TAFA2: variants seen among roughly 807,000 people sequenced by gnomAD.
TAFA2 encodes the protein chemokine-like protein TAFA-2.
Under a neutral mutation model 18.8 loss-of-function variants are expected in TAFA2, and 7 were observed. The ratio of observed to expected loss-of-function variants is 0.37; its 90% CI spans 0.21 to 0.70. The LOEUF (loss-of-function observed/expected upper bound fraction) is 0.70, where lower values mean the gene tolerates loss of function less well. TAFA2 is among the 30% of genes least tolerant of loss of function. The pLI is 0.53. For missense variants in TAFA2, 122 were observed against 158.1 expected (o/e 0.77, Z 1.23); for synonymous variants, 60 against 54.2 (o/e 1.11, Z -0.47).
At position 61,708,735 on chromosome 12, in the gene TAFA2, C is replaced by T. The variant is rs914766807; in HGVS notation, c.*1671G>A. On this transcript the variant is annotated 3_prime_UTR_variant, in exon 5 of 5. Coordinates refer to ENST00000416284, the MANE Select transcript of TAFA2 (RefSeq NM_178539.5). ...ATTTTAGTTCAATGTGAGATACATA[C>T]TTTTCAGATTTTATTTTTAACCAAT... The T allele has an allele frequency of 1.3e-5, 2 of 152,096 alleles. No homozygotes were observed. Among genetic ancestry groups the T allele is most frequent in the Non-Finnish European group, 2.9e-5 (2 of 67,968 alleles). 9.4% of individuals were successfully genotyped at this position (152,096 alleles called of 1,614,324 possible).
At chr12:62,141,808 A>G (rs552405690) in intron 1 of TAFA2, among the ~76,000 whole-genome samples, 1 of 152,248 alleles carries the variant, frequency 6.6e-6, no homozygotes, top group East Asian at 1.9e-4. Flanking sequence ...CCTAAGGAAG[A>G]CTCCTAGGCA....
chr12:61,823,328 G>A lies in TAFA2; in HGVS notation c.106+43992C>T, dbSNP rs539032897. Among the ~76,000 whole-genome samples, 14 of 151,970 alleles carry A rather than the reference G, an allele frequency of 9.2e-5. No homozygotes were observed. The East Asian group carries it at 1.4e-3, about 15-fold the overall frequency. ...GCTGGAATTACAGCCACGAGCCACC[G>A]CACCCAGCCCTAACGTTTACTCTGT... On this transcript the variant is annotated intron_variant, in intron 2 of 4. Transcript: ENST00000416284.
intron 1 of TAFA2, among the ~76,000 whole-genome samples, chr12:62,172,552 C>T (rs1217506696): frequency 6.6e-6 from 1 of 152,190 alleles, no homozygotes; most frequent in Non-Finnish European, 1.5e-5. Context: ...ACCACAGGCA[C>T]TAATCTTGAT....
At chr12:61,717,099 G>A (rs555667673) in intron 4 of TAFA2, among the ~76,000 whole-genome samples, 8 of 152,070 alleles carry the variant, frequency 5.3e-5, no homozygotes, top group Non-Finnish European at 1.2e-4. Context: ...ATAAGCTCTT[G>A]CTTCACTTTT....
chr12:61,970,008 A>G lies in TAFA2; in HGVS notation c.-1-102582T>C, dbSNP rs528421917. ...TGGACTATTAAGGAGCTTGACAGTC[A>G]TAATAAGAGGCCTAGACTCAAAGCA... On this transcript the variant is annotated intron_variant, in intron 1 of 4. Coordinates refer to ENST00000416284, the MANE Select transcript of TAFA2 (RefSeq NM_178539.5). Among the ~76,000 whole-genome samples, 5 of 151,828 alleles carry G rather than the reference A, an allele frequency of 3.3e-5. No homozygotes were observed. In the East Asian group the frequency reaches 9.7e-4, roughly 30 times the overall value.
intron 2 of TAFA2, among the ~76,000 whole-genome samples, chr12:61,819,313 G>T (rs2121041295): frequency 6.6e-6 from 1 of 152,274 alleles, no homozygotes; most frequent in African/African-American, 2.4e-5. Context: ...TTACTTCAAA[G>T]AATGTATTTT....
chr12:62,208,623 A>G (rs1565779709), intron 1 of TAFA2, among the ~76,000 whole-genome samples: 1 of 151,674 alleles, frequency 6.6e-6, no homozygotes, highest in Non-Finnish European at 1.5e-5. Context: ...TTCCAAATTT[A>G]TCAGGAAATT....
chr12:62,062,568 A>G (rs2136790295), intron 1 of TAFA2, among the ~76,000 whole-genome samples: 1 of 152,304 alleles, frequency 6.6e-6, no homozygotes, highest in Non-Finnish European at 1.5e-5. Context: ...TTGGAACGGT[A>G]TGGAGACGTT....
chr12:62,146,726 T>C (rs1180891362), intron 1 of TAFA2, among the ~76,000 whole-genome samples: 1 of 152,104 alleles, frequency 6.6e-6, no homozygotes, highest in East Asian at 1.9e-4. Flanking sequence ...AGAAACACAA[T>C]CCAGGGCTTT....
At chr12:61,795,330 C>T (rs1424158966) in intron 2 of TAFA2, among the ~76,000 whole-genome samples, 2 of 152,094 alleles carry the variant, frequency 1.3e-5, no homozygotes, top group Non-Finnish European at 2.9e-5. Flanking sequence ...GGAACCAACC[C>T]AAATGTCCAT....
intron 1 of TAFA2, among the ~76,000 whole-genome samples, chr12:62,202,177 C>CA (rs1348266858): frequency 6.6e-6 from 1 of 151,396 alleles, no homozygotes; most frequent in East Asian, 1.9e-4. Flanking sequence ...TAATTTTTTT[C>CA]AAAAAACAAG....
At chr12:61,885,276 T>C (rs904341581) in intron 1 of TAFA2, among the ~76,000 whole-genome samples, 28 of 152,306 alleles carry the variant, frequency 1.8e-4, no homozygotes, top group African/African-American at 6.7e-4. Context: ...GTGGGCATGC[T>C]ATGCGTCAGA....
Position 61,708,637 on chromosome 12 carries a change from A to G in TAFA2, c.*1769T>C, listed in dbSNP as rs1266037806. 2 of 152,100 alleles carry G rather than the reference A, an allele frequency of 1.3e-5. No homozygotes were observed. Among genetic ancestry groups the G allele is most frequent in the African/African-American group, 2.4e-5 (1 of 41,452 alleles). 9.4% of individuals were successfully genotyped at this position (152,100 alleles called of 1,614,324 possible). Reference sequence around the variant, plus strand: ...CCATTGTGAAAATCCACTCAAAGCCATCTAATTCATTTTATGCATGATTAA... The same window carrying G: ...CCATTGTGAAAATCCACTCAAAGCCGTCTAATTCATTTTATGCATGATTAA... On this transcript the variant is annotated 3_prime_UTR_variant, in exon 5 of 5. Coordinates refer to ENST00000416284, the MANE Select transcript of TAFA2 (RefSeq NM_178539.5).
upstream of TAFA2, among the ~76,000 whole-genome samples, chr12:62,194,323 ACACATAC>A (rs980701207): frequency 5.9e-3 from 7 of 1,192 alleles, no homozygotes; most frequent in South Asian, 0.016. Context: ...ACACACACAC[ACACATAC>A]AAAAAAACAT....
chr12:61,979,484 T>C (rs551775412), intron 1 of TAFA2, among the ~76,000 whole-genome samples: 1 of 152,230 alleles, frequency 6.6e-6, no homozygotes, highest in South Asian at 2.1e-4. Flanking sequence ...TACTGCACCA[T>C]CATTTCAGAA....
At chr12:61,982,876 C>CAAAAAAAAAAAAAAAAAA (rs3031097) in intron 1 of TAFA2, among the ~76,000 whole-genome samples, 1 of 101,596 alleles carries the variant, frequency 9.8e-6, no homozygotes, top group Non-Finnish European at 2.0e-5. Flanking sequence ...AAGTGGAAGG[C>CAAAAAAAAAAAAAAAAAA]AAAAAAAAAA....
intron 1 of TAFA2, among the ~76,000 whole-genome samples, chr12:61,904,070 G>A (rs1183905195): frequency 6.6e-6 from 1 of 152,094 alleles, no homozygotes; most frequent in African/African-American, 2.4e-5. Flanking sequence ...CAATATTATA[G>A]AAGTTAAAAG....
At chr12:61,717,536 A>C (rs1869715505) in intron 4 of TAFA2, among the ~76,000 whole-genome samples, 1 of 152,202 alleles carries the variant, frequency 6.6e-6, no homozygotes, top group Non-Finnish European at 1.5e-5. Flanking sequence ...ACTTTGAGAT[A>C]TGTTTAATAC....
At chr12:61,901,568 A>G (rs1876102233) in intron 1 of TAFA2, among the ~76,000 whole-genome samples, 1 of 152,184 alleles carries the variant, frequency 6.6e-6, no homozygotes, top group Non-Finnish European at 1.5e-5. Context: ...AAAAAAAAAG[A>G]CACACAACAT....
Sources: gnomAD v4.1 joint callset for allele counts (sites outside exome capture counted in the v4.1 genomes callset) on GRCh38, gnomAD v4.1.1 for gene constraint, MANE v1.5 for transcripts, NCBI Gene and HGNC (gene_info 2026-07-23, HGNC 2026-07-21) for gene names.